Variants in EXT1 observed in about 807,000 individuals in gnomAD.
EXT1 encodes exostosin glycosyltransferase 1, also known as exostosin-1.
In EXT1, 20 loss-of-function variants were observed where a neutral mutation model predicts 82.5. The observed-to-expected ratio is 0.24, with a 90% confidence interval of 0.17 to 0.35. EXT1 has a LOEUF of 0.35. Ranked by LOEUF, EXT1 falls within the 10% of genes least tolerant of loss-of-function variation. EXT1 has a pLI of 1.00. For synonymous variants in EXT1, 348 were observed against 350.8 expected (o/e 0.99, Z 0.09); for missense variants, 757 against 936.5 (o/e 0.81, Z 2.50).
intron 1 of EXT1, among the ~76,000 whole-genome samples, chr8:118,059,397 T>C (rs374397810): frequency 2.6e-5 from 4 of 152,158 alleles, no homozygotes; most frequent in Non-Finnish European, 5.9e-5. Flanking sequence ...AGGCCACCAC[T>C]CTCATAAGGT....
chr8:117,935,652 A>C (rs892009225), intron 1 of EXT1, among the ~76,000 whole-genome samples: 2 of 152,178 alleles, frequency 1.3e-5, no homozygotes, highest in Non-Finnish European at 2.9e-5. Flanking sequence ...TACAGGTGTG[A>C]GCCACTGTGC....
At chr8:117,973,983 A>AAGGAAGGG (rs1815016232) in intron 1 of EXT1, among the ~76,000 whole-genome samples, 1 of 151,038 alleles carries the variant, frequency 6.6e-6, no homozygotes, top group Non-Finnish European at 1.5e-5. Context: ...GGAAGGAAGG[A>AAGGAAGGG]AGGAAATAAA....
chr8:118,009,595 A>T (rs1815852237), intron 1 of EXT1, among the ~76,000 whole-genome samples: 2 of 152,186 alleles, frequency 1.3e-5, no homozygotes, highest in Non-Finnish European at 2.9e-5. Flanking sequence ...CCTGTTAGGA[A>T]CCGGGCTGCA....
At chr8:117,957,292 G>A (rs1814607111) in intron 1 of EXT1, among the ~76,000 whole-genome samples, 1 of 152,232 alleles carries the variant, frequency 6.6e-6, no homozygotes, top group Non-Finnish European at 1.5e-5. Context: ...GCTGAGGATT[G>A]GTTAAATTCA....
chr8:117,951,715 T>A (rs1355847070), intron 1 of EXT1, among the ~76,000 whole-genome samples: 1 of 152,216 alleles, frequency 6.6e-6, no homozygotes, highest in Admixed American at 6.5e-5. Flanking sequence ...ACTTAATAGA[T>A]GACGTGGACT....
At chr8:117,957,337 C>T (rs572669943) in intron 1 of EXT1, among the ~76,000 whole-genome samples, 1 of 152,202 alleles carries the variant, frequency 6.6e-6, no homozygotes. Flanking sequence ...ATGCAACCAG[C>T]GAAACAGTGC....
At chr8:117,847,002 A>C (rs1812372866) in intron 1 of EXT1, among the ~76,000 whole-genome samples, 1 of 152,128 alleles carries the variant, frequency 6.6e-6, no homozygotes, top group Admixed American at 6.6e-5. Flanking sequence ...ACTCTGTATT[A>C]AGTTGCCCAT....
chr8:118,095,966 G>A (rs7010382), intron 1 of EXT1, among the ~76,000 whole-genome samples: 87,777 of 152,018 alleles, frequency 0.58, 26,044 homozygotes, highest in Middle Eastern at 0.72. Context: ...GCTTTTCCCC[G>A]CTTTGCCTTT....
chr8:117,914,530 C>T (rs1295942636), intron 1 of EXT1, among the ~76,000 whole-genome samples: 2 of 152,118 alleles, frequency 1.3e-5, no homozygotes, highest in East Asian at 1.9e-4. Context: ...AATGGACGTG[C>T]GAGTAGGAAA....
At chr8:117,982,670 A>G (rs2129770047) in intron 1 of EXT1, among the ~76,000 whole-genome samples, 1 of 152,078 alleles carries the variant, frequency 6.6e-6, no homozygotes, top group Middle Eastern at 3.4e-3. Flanking sequence ...TTTTAAAAAT[A>G]TTTTTGGTGG....
intron 8 of EXT1, among the ~76,000 whole-genome samples, chr8:117,811,493 C>T (rs1471056543): frequency 1.3e-5 from 2 of 152,140 alleles, no homozygotes; most frequent in African/African-American, 4.8e-5. Context: ...TATAGAGCTT[C>T]GGCTGCATAG....
At chr8:118,008,256 C>CT (rs527887350) in intron 1 of EXT1, among the ~76,000 whole-genome samples, 46 of 151,452 alleles carry the variant, frequency 3.0e-4, no homozygotes, top group Non-Finnish European at 4.4e-4. Flanking sequence ...GCATATTATA[C>CT]TTTTTTTTGT....
intron 1 of EXT1, among the ~76,000 whole-genome samples, chr8:117,969,707 G>A (rs1305442874): frequency 4.6e-5 from 7 of 152,224 alleles, no homozygotes; most frequent in Admixed American, 3.9e-4. Flanking sequence ...GCGCGCACGC[G>A]TGTATGTGCA....
intron 1 of EXT1, among the ~76,000 whole-genome samples, chr8:117,988,531 C>T (rs539261231): frequency 1.3e-5 from 2 of 152,184 alleles, no homozygotes; most frequent in African/African-American, 2.4e-5. Flanking sequence ...GTAACCACAG[C>T]ATCAGCAAAG....
chr8:117,938,407 A>G (rs1814210337), intron 1 of EXT1, among the ~76,000 whole-genome samples: 1 of 152,216 alleles, frequency 6.6e-6, no homozygotes, highest in African/African-American at 2.4e-5. Context: ...GGTTGCGGTG[A>G]GCAGAGATCA....
rs1823160321 is a variant in EXT1 at position 117,801,069 on chromosome 8, G to T, written c.2056-1172C>A. 2.0e-5 allele frequency among the ~76,000 whole-genome samples: 3 copies of T among 152,186 alleles called. No homozygotes were observed. In the South Asian group the frequency reaches 6.2e-4, roughly 32 times the overall value. On this transcript the variant is annotated intron_variant, in intron 10 of 10. Transcript: ENST00000378204. Reference sequence around the variant, plus strand: ...CACAGTTTTAGAAAAATACTTTCATGGGAAGATACATTTTAGTGTGAGAAG... The same window carrying T: ...CACAGTTTTAGAAAAATACTTTCATTGGAAGATACATTTTAGTGTGAGAAG...
intron 1 of EXT1, among the ~76,000 whole-genome samples, chr8:117,857,835 G>T (rs891782610): frequency 6.6e-6 from 1 of 152,156 alleles, no homozygotes; most frequent in African/African-American, 2.4e-5. Flanking sequence ...TTTTAGAAAG[G>T]ATTCACCATT....
At chr8:118,055,164 T>G (rs2129931213) in intron 1 of EXT1, among the ~76,000 whole-genome samples, 1 of 152,324 alleles carries the variant, frequency 6.6e-6, no homozygotes, top group Admixed American at 6.5e-5. Flanking sequence ...ACCATTGTAC[T>G]GCAACCACTA....
At chr8:117,931,148 G>A (rs892527835) in intron 1 of EXT1, among the ~76,000 whole-genome samples, 1 of 152,098 alleles carries the variant, frequency 6.6e-6, no homozygotes, top group Non-Finnish European at 1.5e-5. Flanking sequence ...AACAGTCCTC[G>A]GGGCTGCCCT....
Sources: gnomAD v4.1 joint callset for allele counts (sites outside exome capture counted in the v4.1 genomes callset) on GRCh38, gnomAD v4.1.1 for gene constraint, MANE v1.5 for transcripts, NCBI Gene and HGNC (gene_info 2026-07-23, HGNC 2026-07-21) for gene names.